HAP1: variants seen among roughly 807,000 people sequenced by gnomAD.
The protein encoded by HAP1 is huntingtin associated protein 1.
HAP1 carries 59 observed loss-of-function variants against 60.3 expected under a neutral mutation model. The observed-to-expected ratio is 0.98, with a 90% CI of 0.79 to 1.22. HAP1 has a LOEUF of 1.22. Among genes scored for constraint, HAP1 ranks in the 50% most tolerant of loss-of-function variants. HAP1 has a pLI of 0.00. For synonymous variants in HAP1, 346 were observed against 330.6 expected (o/e 1.05, Z -0.50); for missense variants, 825 against 785.3 (o/e 1.05, Z -0.60).
At chr17:41,733,018 AGGTTTTTG>A (rs1321028776) in intron 1 of HAP1, among the ~76,000 whole-genome samples, 730 of 42,036 alleles carry the variant, frequency 0.017, 12 homozygotes, top group African/African-American at 0.046. Context: ...CAGGGTTTTT[AGGTTTTTG>A]GGTTTTTTTT....
intron 7 of HAP1, 31 bp downstream of exon 7, chr17:41,728,170 G>T (rs367835506): frequency 1.2e-6 from 2 of 1,604,418 alleles, no homozygotes; most frequent in South Asian, 1.1e-5. Context: ...ATGGGGCCAC[G>T]ACAAGAGGGT....
chr17:41,732,473 G>A, intron 2 of HAP1, 79 bp from the exon 3 acceptor site: 2 of 1,463,574 alleles, frequency 1.4e-6, no homozygotes, highest in Non-Finnish European at 1.9e-6. Context: ...TAGGGTACCA[G>A]ACCAGAGTCT....
At chr17:41,729,486 G>A (rs1268543809) in intron 6 of HAP1, among the ~76,000 whole-genome samples, 1 of 139,352 alleles carries the variant, frequency 7.2e-6, no homozygotes, top group African/African-American at 2.7e-5. Context: ...GGAGGTGGAG[G>A]TTGCAGTGAG....
At chr17:41,726,979 T>G (rs1597738664) in intron 9 of HAP1, 74 bp downstream of exon 9, 1 of 739,358 alleles carries the variant, frequency 1.4e-6, no homozygotes. Context: ...AAGGTCAGAG[T>G]GTGAGGGCAA....
At position 41,734,065 on chromosome 17, in the gene HAP1, G is replaced by A. The variant is rs1238878652; in HGVS notation, c.469+101C>T. 13 of 904,034 alleles carry A rather than the reference G, an allele frequency of 1.4e-5. No individual in the cohort carries two copies. The Admixed American group carries it at 1.7e-4, about 12-fold the overall frequency. 56.0% of individuals were successfully genotyped at this position (904,034 alleles called of 1,614,324 possible). On this transcript the variant is annotated intron_variant, in intron 1 of 10. Coordinates refer to ENST00000347901, the MANE Select transcript of HAP1 (RefSeq NM_177977.3). ...GCGGGGGTGGTGGACGGGTGACACTGAGTGCTAGAGGGGGCGGGGTGCCTG... is the reference window on the plus strand; with the variant it reads ...GCGGGGGTGGTGGACGGGTGACACTAAGTGCTAGAGGGGGCGGGGTGCCTG...
At chr17:41,727,343 T>C (rs7216154) in intron 8 of HAP1, 199 bp from the exon 9 acceptor site, 538,970 of 780,666 alleles carry the variant, frequency 0.69, 186,759 homozygotes, top group South Asian at 0.73. Context: ...CAGTGGACAC[T>C]GGGGGTTGCT....
chr17:41,725,626 G>A (rs887401814), intron 10 of HAP1, among the ~76,000 whole-genome samples: 27 of 152,200 alleles, frequency 1.8e-4, no homozygotes, highest in Non-Finnish European at 4.0e-4. Context: ...CCCATAGTCA[G>A]TTGAAAAGAA....
chr17:41,732,570 C>A, intron 2 of HAP1, 149 bp downstream of exon 2: 1 of 964,072 alleles, frequency 1.0e-6, no homozygotes, highest in South Asian at 1.4e-5. Context: ...CTCTTCCAGC[C>A]TGAACATCCC....
At position 41,724,869 on chromosome 17, in the gene HAP1, G is replaced by A. The variant is rs781999453; in HGVS notation, c.1692C>T (p.Gly564=). ...NVVTSALEAS[G]LGPSHLDMNY... ...TCATGTCCAGGTGTGAAGGGCCCAA[G>A]CCGCTGGCCTCCAGGGCTGATGTCA... Residue 564 remains glycine, a synonymous_variant, in exon 11 of 11, where the codon GGC becomes GGT. Coordinates refer to ENST00000347901, the MANE Select transcript of HAP1 (RefSeq NM_177977.3). 1.2e-6 allele frequency: 2 copies of A among 1,613,724 alleles called. No individual in the cohort carries two copies. The highest frequency in any genetic ancestry group is 1.7e-5 in the Admixed American group (1 of 60,016).
intron 6 of HAP1, 74 bp downstream of exon 6, chr17:41,731,419 C>A: frequency 1.9e-6 from 2 of 1,027,754 alleles, no homozygotes; most frequent in Non-Finnish European, 3.1e-6. Context: ...ACTTGGATCT[C>A]CATACTCCAC....
chr17:41,722,436 T>A (rs1337490922), downstream of HAP1: 1 of 152,240 alleles, frequency 6.6e-6, no homozygotes, highest in Non-Finnish European at 1.5e-5. Flanking sequence ...GGGCATCACT[T>A]AACCTACTCT....
At chr17:41,725,613 C>T (rs782455852) in intron 10 of HAP1, among the ~76,000 whole-genome samples, 6 of 152,212 alleles carry the variant, frequency 3.9e-5, no homozygotes, top group Non-Finnish European at 7.3e-5. Flanking sequence ...TGTCACCTCT[C>T]AGCCCATAGT....
Position 41,724,796 on chromosome 17 carries a change from G to T in HAP1, c.1765C>A (p.Arg589=). The change falls in exon 11 of 11, where the codon CGG becomes AGG. Residue 589 remains arginine (R), a synonymous_variant. Coordinates refer to ENST00000347901, the MANE Select transcript of HAP1 (RefSeq NM_177977.3). The part of the protein sequence containing the change: ...LANWQDAHYR[R]QLRWKMLQKG... ...TGGAGCATCTTCCACCTCAGCTGCC[G>T]CCTGTAATGGGCATCTTGCCAGTTG... is the stretch of plus-strand genomic sequence containing the variant. The T allele has an allele frequency of 1.9e-6, 3 of 1,612,044 alleles. No individual in the cohort carries two copies. The highest frequency in any genetic ancestry group is 2.5e-6 in the Non-Finnish European group (3 of 1,179,218).
In HAP1 at chr17:41,734,150, CG is replaced by C; in HGVS notation, c.469+15del. 6 of 1,559,432 alleles carry C rather than the reference CG, an allele frequency of 3.8e-6. No individual in the cohort carries two copies. The highest frequency in any genetic ancestry group is 1.8e-5 in the Admixed American group (1 of 55,960). ...CCAGTCCCCACCCGGTCCAGGACCC[CG>C]GGGGCCCGATTTACCTTCCTCCAGC... On this transcript the variant is annotated intron_variant, in intron 1 of 10. Transcript: ENST00000347901.
rs141557284 is a variant in HAP1 at position 41,724,699 on chromosome 17, T to C, written c.*2A>G. On this transcript the variant is annotated 3_prime_UTR_variant, in exon 11 of 11. Coordinates refer to ENST00000347901, the MANE Select transcript of HAP1 (RefSeq NM_177977.3). ...CTCGGGGAGCTTATCCACCCTCTCT[T>C]TTCATCGGCACGACGATCTGCAGCT... 115 of 1,583,934 alleles carry C rather than the reference T, an allele frequency of 7.3e-5. 1 individual carries two copies. The East Asian group carries it at 2.3e-3, about 32-fold the overall frequency.
In HAP1 at chr17:41,722,935, G is replaced by C. The variant is rs951150386; in HGVS notation, c.*1766C>G. The stretch of plus-strand genomic sequence containing the variant: ...GGGAGAGGAGACACACCACTGGGCA[G>C]AGGGGCCCTCACCCACCCACACACA... On this transcript the variant is annotated 3_prime_UTR_variant, in exon 11 of 11. Coordinates refer to ENST00000347901, the MANE Select transcript of HAP1 (RefSeq NM_177977.3). The C allele has an allele frequency of 6.6e-6, 1 of 152,614 alleles. No homozygotes were observed. Among genetic ancestry groups the C allele is most frequent in the Admixed American group, 6.5e-5 (1 of 15,276 alleles). 9.5% of individuals were successfully genotyped at this position (152,614 alleles called of 1,614,324 possible). A position where few individuals can be genotyped will look rare whatever the true frequency, so the allele number is the denominator to read the frequency against.
rs1399310463 is a variant in HAP1 at position 41,722,679 on chromosome 17, C to T, written c.*2022G>A. The stretch of plus-strand genomic sequence containing the variant: ...TCCTTTATTTCCTGCACCACACGCA[C>T]ACAGGCTGACAAGCAATAGGAGATT... On this transcript the variant is annotated 3_prime_UTR_variant, in exon 11 of 11. Transcript: ENST00000347901. 1 of 152,294 alleles carries T rather than the reference C, an allele frequency of 6.6e-6. No homozygotes were observed. The highest frequency in any genetic ancestry group is 1.5e-5 in the Non-Finnish European group (1 of 68,116). The allele number at this position is 152,294 out of a possible 1,614,324, so 9.4% of individuals were successfully genotyped here.
Position 41,732,122 on chromosome 17 carries a change from G to C in HAP1, c.715-4C>G. The C allele has an allele frequency of 6.2e-7, 1 of 1,613,658 alleles. No individual in the cohort carries two copies. The highest frequency in any genetic ancestry group is 8.5e-7 in the Non-Finnish European group (1 of 1,179,698). Reference sequence around the variant, plus strand: ...CCTGGTGTCTGAGGTATAAAATCTGGCAGGAAGAGAGAGGAGCCATGGGTT... The same window carrying C: ...CCTGGTGTCTGAGGTATAAAATCTGCCAGGAAGAGAGAGGAGCCATGGGTT... On this transcript the variant is annotated splice_region_variant and splice_polypyrimidine_tract_variant and intron_variant, in intron 3 of 10. Coordinates refer to ENST00000347901, the MANE Select transcript of HAP1 (RefSeq NM_177977.3).
At chr17:41,725,768 G>A (rs1031736893) in intron 10 of HAP1, 91 bp downstream of exon 10, 18 of 927,608 alleles carry the variant, frequency 1.9e-5, no homozygotes, top group Non-Finnish European at 2.7e-5. Context: ...GGCCTTCTCC[G>A]GAGTTGCAGG....
Sources: allele counts gnomAD v4.1 joint callset (sites outside exome capture counted in the v4.1 genomes callset), GRCh38; gene constraint gnomAD v4.1.1; transcripts MANE v1.5; gene names NCBI Gene and HGNC (gene_info 2026-07-23, HGNC 2026-07-21).